The following KAZN variants were observed in gnomAD, a reference collection of about 807,000 sequenced individuals.
The protein encoded by KAZN is kazrin, periplakin interacting protein.
KAZN carries 40 observed loss-of-function variants against 87.4 expected under a neutral mutation model. The ratio of observed to expected loss-of-function variants is 0.46; its 90% CI spans 0.36 to 0.60. The LOEUF (loss-of-function observed/expected upper bound fraction) is 0.60, where lower values mean the gene tolerates loss of function less well. KAZN is among the 20% of genes least tolerant of loss of function. KAZN has a pLI of 0.00. For synonymous variants in KAZN, 466 were observed against 458.3 expected (o/e 1.02, Z -0.22); for missense variants, 898 against 1,073.9 (o/e 0.84, Z 2.29).
At chr1:13,961,870 T>C (rs747031081) in intron 1 of KAZN, among the ~76,000 whole-genome samples, 3 of 152,176 alleles carry the variant, frequency 2.0e-5, no homozygotes, top group Non-Finnish European at 2.9e-5. Flanking sequence ...TGAATGTGAA[T>C]GTCAGAATTG....
At chr1:14,120,963 C>G (rs1644739577) in intron 1 of KAZN, among the ~76,000 whole-genome samples, 1 of 152,200 alleles carries the variant, frequency 6.6e-6, no homozygotes. Flanking sequence ...CAAAGGAGCT[C>G]TGTGCTCTTC....
At chr1:14,727,711 C>A (rs1037632135) in intron 1 of KAZN, among the ~76,000 whole-genome samples, 108 of 151,666 alleles carry the variant, frequency 7.1e-4, no homozygotes, top group African/African-American at 2.4e-3. Context: ...GGTAATCCGC[C>A]CACCACGGCC....
chr1:15,105,330 A>G (rs917623715), intron 13 of KAZN, among the ~76,000 whole-genome samples: 10 of 152,198 alleles, frequency 6.6e-5, no homozygotes, highest in Non-Finnish European at 2.9e-5. Context: ...CTTCTAATTC[A>G]ATCTCTTCAC....
intron 1 of KAZN, among the ~76,000 whole-genome samples, chr1:14,807,941 A>G (rs1322448877): frequency 6.6e-6 from 1 of 152,162 alleles, no homozygotes; most frequent in South Asian, 2.1e-4. Context: ...GGAGGAGCAG[A>G]GCAGATCATA....
At chr1:14,294,160 G>T (rs1653937760) in intron 2 of KAZN, among the ~76,000 whole-genome samples, 1 of 152,160 alleles carries the variant, frequency 6.6e-6, no homozygotes, top group Non-Finnish European at 1.5e-5. Context: ...AAGAACCCGT[G>T]CATTCTGAGC....
chr1:15,058,897 C>A (rs1422056096), intron 5 of KAZN, among the ~76,000 whole-genome samples: 1 of 151,948 alleles, frequency 6.6e-6, no homozygotes, highest in African/African-American at 2.4e-5. Context: ...TGGCAGATGC[C>A]TGTAATCCCA....
In KAZN at chr1:14,231,456, G is replaced by A. The variant is rs533350439; in HGVS notation, c.249+50864G>A. ...TCAATACTCACTTTGGGATTACAAC[G>A]GCCCATGCCGCCAGCATAGGTAATA... On this transcript the variant is annotated intron_variant, in intron 2 of 16. Coordinates refer to the KAZN transcript ENST00000636203. Among the ~76,000 whole-genome samples, 24 of 152,192 alleles carry A rather than the reference G, an allele frequency of 1.6e-4. No individual in the cohort carries two copies. The South Asian group carries it at 3.9e-3, about 25-fold the overall frequency.
intron 2 of KAZN, among the ~76,000 whole-genome samples, chr1:14,580,617 C>T (rs1675489436): frequency 6.6e-6 from 1 of 152,088 alleles, no homozygotes. Flanking sequence ...GTGAGTTGGA[C>T]AAGTTGTGTG....
intron 2 of KAZN, among the ~76,000 whole-genome samples, chr1:14,489,916 C>T (rs1377652378): frequency 2.9e-4 from 44 of 152,042 alleles, no homozygotes; most frequent in Non-Finnish European, 1.5e-5. Context: ...GCCTACATAT[C>T]TGACTGTTTC....
At chr1:14,182,292 T>A (rs1300551116) in intron 2 of KAZN, among the ~76,000 whole-genome samples, 1 of 152,188 alleles carries the variant, frequency 6.6e-6, no homozygotes, top group Non-Finnish European at 1.5e-5. Context: ...GGGTTACATC[T>A]TCTTCCTCTT....
chr1:14,124,781 T>C (rs773681222), intron 1 of KAZN, among the ~76,000 whole-genome samples: 2 of 152,148 alleles, frequency 1.3e-5, no homozygotes, highest in Non-Finnish European at 2.9e-5. Context: ...CATTCTTCCA[T>C]TCAGAAAGTG....
At chr1:14,937,104 G>A (rs961828539) in intron 1 of KAZN, among the ~76,000 whole-genome samples, 2 of 152,210 alleles carry the variant, frequency 1.3e-5, no homozygotes, top group African/African-American at 2.4e-5. Context: ...CTTGCAGTGT[G>A]CAGCCCCTCT....
At chr1:14,033,834 T>C (rs111294562) in intron 1 of KAZN, among the ~76,000 whole-genome samples, 2,243 of 152,324 alleles carry the variant, frequency 0.015, 24 homozygotes, top group South Asian at 0.029. Flanking sequence ...TTCTCTCCAC[T>C]TCTTCCATCC....
chr1:14,198,613 G>T (rs11578757), intron 2 of KAZN, among the ~76,000 whole-genome samples: 38,211 of 151,632 alleles, frequency 0.25, 4,936 homozygotes, highest in Admixed American at 0.35. Context: ...ATAATAATAA[G>T]AAGAAGAAAT....
intron 1 of KAZN, among the ~76,000 whole-genome samples, chr1:14,632,550 G>C (rs565466602): frequency 4.7e-5 from 7 of 150,286 alleles, no homozygotes; most frequent in Admixed American, 2.6e-4. Context: ...TGCCCAGCAG[G>C]AGAATCCTTT....
chr1:14,461,218 G>A (rs1374483424), intron 2 of KAZN, among the ~76,000 whole-genome samples: 1 of 152,062 alleles, frequency 6.6e-6, no homozygotes, highest in Non-Finnish European at 1.5e-5. Flanking sequence ...CAAAATTTCT[G>A]GGAGGGTGAT....
At chr1:15,035,003 C>T in intron 3 of KAZN, 118 bp downstream of exon 3, 3 of 1,268,030 alleles carry the variant, frequency 2.4e-6, no homozygotes, top group East Asian at 2.4e-5. Flanking sequence ...TAGGGAGGCC[C>T]TTGATGTGTC....
intron 2 of KAZN, among the ~76,000 whole-genome samples, chr1:14,360,336 T>A (rs1483271274): frequency 6.6e-6 from 1 of 152,196 alleles, no homozygotes; most frequent in African/African-American, 2.4e-5. Flanking sequence ...AGTTAGAAAT[T>A]CCTCTAATCT....
At position 14,216,065 on chromosome 1, in the gene KAZN, G is replaced by C. The variant is rs1484710607; in HGVS notation, c.249+35473G>C. Among the ~76,000 whole-genome samples the C allele has an allele frequency of 2.0e-5, 3 of 152,046 alleles. No homozygotes were observed. In the East Asian group the frequency reaches 5.8e-4, roughly 29 times the overall value. On this transcript the variant is annotated intron_variant, in intron 2 of 16. Transcript: ENST00000636203. ...ATTTTTTTAAAAAATAGAGCAAAAA[G>C]ATAGCAAAACCAAAACACATGAATG...
Sources: gnomAD v4.1 joint callset for allele counts (sites outside exome capture counted in the v4.1 genomes callset) on GRCh38, gnomAD v4.1.1 for gene constraint, MANE v1.5 for transcripts, NCBI Gene and HGNC (gene_info 2026-07-23, HGNC 2026-07-21) for gene names.